PVT1: variants seen among roughly 807,000 people sequenced by gnomAD.
PVT1 encodes CXCR4/PVT1 fusion.
At chr8:127,824,193 CT>C (rs1395645782) in intron 2 of PVT1, among the ~76,000 whole-genome samples, 1 of 152,154 alleles carries the variant, frequency 6.6e-6, no homozygotes, top group Non-Finnish European at 1.5e-5. Flanking sequence ...AAAAAAGGAA[CT>C]ATCTGGCTTC....
At chr8:128,027,558 AGTGATG>A (rs1457218966) in intron 4 of PVT1, among the ~76,000 whole-genome samples, 1 of 152,220 alleles carries the variant, frequency 6.6e-6, no homozygotes, top group African/African-American at 2.4e-5. Context: ...TCCCAGAGTC[AGTGATG>A]GAATCACCAG....
chr8:127,847,338 T>A (rs1437843538), intron 2 of PVT1, among the ~76,000 whole-genome samples: 1 of 152,250 alleles, frequency 6.6e-6, no homozygotes, highest in Non-Finnish European at 1.5e-5. Context: ...GCTCTGTTGT[T>A]GGCAAAAGCT....
At chr8:128,018,021 G>A (rs1439745542) in intron 4 of PVT1, among the ~76,000 whole-genome samples, 3 of 152,148 alleles carry the variant, frequency 2.0e-5, no homozygotes, top group African/African-American at 4.8e-5. Context: ...ATCCTGTTGC[G>A]CATACGCACA....
intron 4 of PVT1, among the ~76,000 whole-genome samples, chr8:128,015,339 C>T (rs1042917678): frequency 1.3e-5 from 2 of 152,092 alleles, no homozygotes; most frequent in African/African-American, 2.4e-5. Flanking sequence ...ATCTGCCCAT[C>T]TCGGCCTCCC....
intron 4 of PVT1, among the ~76,000 whole-genome samples, chr8:128,024,051 ACAGCT>A (rs1817466800): frequency 6.6e-6 from 1 of 152,238 alleles, no homozygotes; most frequent in Admixed American, 6.5e-5. Context: ...TAAGGAGGTA[ACAGCT>A]CAAACTTCTA....
At chr8:127,805,762 A>G (rs547157984) in intron 2 of PVT1, among the ~76,000 whole-genome samples, 1 of 152,272 alleles carries the variant, frequency 6.6e-6, no homozygotes, top group South Asian at 2.1e-4. Context: ...TAGACAAAGA[A>G]AAAATAACAT....
chr8:128,005,149 A>G (rs534164378), intron 4 of PVT1, among the ~76,000 whole-genome samples: 1 of 152,328 alleles, frequency 6.6e-6, no homozygotes, highest in African/African-American at 2.4e-5. Flanking sequence ...TCAAAAAAAA[A>G]AAAAGTTACA....
intron 3 of PVT1, among the ~76,000 whole-genome samples, chr8:127,901,748 G>T (rs372177240): frequency 4.1e-5 from 6 of 144,614 alleles, no homozygotes; most frequent in Non-Finnish European, 9.2e-5. Context: ...TTTGAGAAGA[G>T]TTTTTTTTTT....
At chr8:127,843,470 T>C (rs1332379089) in intron 2 of PVT1, among the ~76,000 whole-genome samples, 1 of 151,644 alleles carries the variant, frequency 6.6e-6, no homozygotes, top group African/African-American at 2.4e-5. Context: ...AGAGATGGAG[T>C]CTTGCTCAGT....
intron 4 of PVT1, among the ~76,000 whole-genome samples, chr8:128,051,270 A>G (rs1413115065): frequency 6.6e-6 from 1 of 152,232 alleles, no homozygotes; most frequent in Non-Finnish European, 1.5e-5. Flanking sequence ...CCTGGATTGC[A>G]TAAGACATAG....
At chr8:128,005,725 G>C (rs572649875) in intron 4 of PVT1, among the ~76,000 whole-genome samples, 26 of 152,276 alleles carry the variant, frequency 1.7e-4, no homozygotes, top group African/African-American at 6.3e-4. Context: ...GTGGCTTGTA[G>C]TGCTGAGTGC....
At chr8:128,041,869 C>T (rs1181805926) in intron 4 of PVT1, among the ~76,000 whole-genome samples, 1 of 152,178 alleles carries the variant, frequency 6.6e-6, no homozygotes, top group Admixed American at 6.5e-5. Context: ...AAGGGATTCT[C>T]ATGGGCCACC....
At chr8:127,941,454 T>C (rs1816348412) in intron 3 of PVT1, among the ~76,000 whole-genome samples, 1 of 152,158 alleles carries the variant, frequency 6.6e-6, no homozygotes, top group Admixed American at 6.6e-5. Flanking sequence ...AGGGTTGCTG[T>C]GATGATGAAG....
At chr8:127,964,924 G>A (rs1295442667) in intron 3 of PVT1, among the ~76,000 whole-genome samples, 1 of 152,126 alleles carries the variant, frequency 6.6e-6, no homozygotes, top group Non-Finnish European at 1.5e-5. Flanking sequence ...GCCTCCCACA[G>A]CATGGGATTA....
chr8:127,931,022 A>T (rs558070192), intron 3 of PVT1, among the ~76,000 whole-genome samples: 6 of 152,136 alleles, frequency 3.9e-5, no homozygotes, highest in African/African-American at 1.2e-4. Context: ...CCTCCCCTTC[A>T]GCGTCCCTAG....
chr8:127,997,959 T>C (rs1817126440), intron 4 of PVT1, among the ~76,000 whole-genome samples: 1 of 152,208 alleles, frequency 6.6e-6, no homozygotes, highest in Non-Finnish European at 1.5e-5. Flanking sequence ...AGGTATTTCA[T>C]AGAACGTACC....
chr8:127,835,751 TC>T (rs1433926206), intron 2 of PVT1, among the ~76,000 whole-genome samples: 1 of 152,210 alleles, frequency 6.6e-6, no homozygotes, highest in Non-Finnish European at 1.5e-5. Context: ...GAGTGAGTTC[TC>T]CATCACTAGA....
intron 4 of PVT1, among the ~76,000 whole-genome samples, chr8:128,005,017 G>C (rs1228010506): frequency 6.6e-6 from 1 of 152,074 alleles, no homozygotes. Flanking sequence ...GCACATGACT[G>C]TAATCCCAGC....
chr8:127,933,463 T>C (rs563392315), intron 3 of PVT1, among the ~76,000 whole-genome samples: 46 of 152,356 alleles, frequency 3.0e-4, no homozygotes, highest in African/African-American at 1.0e-3. Flanking sequence ...TATTCTCTGC[T>C]TTCCCATGGA....
Sources: allele counts gnomAD v4.1 joint callset (sites outside exome capture counted in the v4.1 genomes callset), GRCh38; gene constraint gnomAD v4.1.1; transcripts MANE v1.5; gene names NCBI Gene and HGNC (gene_info 2026-07-23, HGNC 2026-07-21).